Variants in THSD7A observed in about 807,000 individuals in gnomAD.
THSD7A encodes thrombospondin type-1 domain-containing protein 7A.
THSD7A carries 96 observed loss-of-function variants against 231.3 expected under a neutral mutation model. That is an observed-to-expected ratio of 0.41 (90% CI 0.35 to 0.49). The LOEUF (loss-of-function observed/expected upper bound fraction) is 0.49, where lower values mean the gene tolerates loss of function less well. THSD7A is among the 20% of genes least tolerant of loss of function. THSD7A has a pLI of 0.05. For missense variants in THSD7A, 2,290 were observed against 2,070.2 expected, an observed-to-expected ratio of 1.11 and a Z score of -2.06; for synonymous variants, 940 against 743.3, an observed-to-expected ratio of 1.26 and a Z score of -4.30.
chr7:11,772,956 T>C (rs2128172193), intron 1 of THSD7A, among the ~76,000 whole-genome samples: 1 of 152,212 alleles, frequency 6.6e-6, no homozygotes, highest in South Asian at 2.1e-4. Flanking sequence ...ACAAAATGTG[T>C]TTTTAAAAAA....
chr7:11,492,355 A>G (rs1158563911), intron 6 of THSD7A, among the ~76,000 whole-genome samples: 1 of 152,072 alleles, frequency 6.6e-6, no homozygotes, highest in Non-Finnish European at 1.5e-5. Context: ...AAATAAAAAG[A>G]AAGTATAGTT....
intron 1 of THSD7A, among the ~76,000 whole-genome samples, chr7:11,676,638 C>A (rs372189676): frequency 6.6e-6 from 1 of 151,956 alleles, no homozygotes; most frequent in South Asian, 2.1e-4. Flanking sequence ...GTATCAATAG[C>A]TGATTCAATC....
chr7:11,816,919 C>T (rs1040936299), intron 1 of THSD7A, among the ~76,000 whole-genome samples: 16 of 152,056 alleles, frequency 1.1e-4, no homozygotes, highest in Admixed American at 2.6e-4. Context: ...TCTAGATATG[C>T]AGACATGTAT....
At chr7:11,701,775 T>TA (rs1398826579) in intron 1 of THSD7A, among the ~76,000 whole-genome samples, 2 of 151,212 alleles carry the variant, frequency 1.3e-5, no homozygotes, top group Non-Finnish European at 3.0e-5. Context: ...TGTTTATATA[T>TA]TTTTAAATCT....
At chr7:11,513,449 T>C (rs934908169) in intron 6 of THSD7A, among the ~76,000 whole-genome samples, 1 of 152,008 alleles carries the variant, frequency 6.6e-6, no homozygotes, top group Non-Finnish European at 1.5e-5. Flanking sequence ...ACACAAAATA[T>C]GATTCAACCA....
intron 1 of THSD7A, among the ~76,000 whole-genome samples, chr7:11,822,285 C>A (rs1784899376): frequency 6.6e-6 from 1 of 152,068 alleles, no homozygotes; most frequent in South Asian, 2.1e-4. Flanking sequence ...ACTTATGAAT[C>A]AGAATATGTG....
intron 1 of THSD7A, among the ~76,000 whole-genome samples, chr7:11,744,645 A>G (rs1782223212): frequency 7.9e-6 from 1 of 126,890 alleles, no homozygotes. Flanking sequence ...TCCTGTGTCC[A>G]TGTGTTCTCA....
chr7:11,822,594 T>G (rs2128187487), intron 1 of THSD7A, among the ~76,000 whole-genome samples: 1 of 152,180 alleles, frequency 6.6e-6, no homozygotes, highest in African/African-American at 2.4e-5. Context: ...TGAATGGCAG[T>G]TCTATTTTTA....
chr7:11,830,374 T>C (rs1169822513), intron 1 of THSD7A, among the ~76,000 whole-genome samples: 1 of 152,258 alleles, frequency 6.6e-6, no homozygotes, highest in Non-Finnish European at 1.5e-5. Context: ...CATTTAATGG[T>C]AAATTATAAT....
rs57740181 is a variant in THSD7A, at chr7:11,778,156, C to CAAAAAAAAAAAAAAAAA, written c.190+53584_190+53600dup. The stretch of plus-strand genomic sequence containing the variant: ...TGGGCGACAGAGCGAGACTCCGTCT[C>CAAAAAAAAAAAAAAAAA]AAAAAAAAAAAAAAAAAAAAAAGAA... On this transcript the variant is annotated intron_variant, in intron 1 of 27. Transcript: ENST00000423059. Among the ~76,000 whole-genome samples, 201 of 44,996 alleles carry CAAAAAAAAAAAAAAAAA rather than the reference C, an allele frequency of 4.5e-3. 7 individuals carry two copies. Among genetic ancestry groups the CAAAAAAAAAAAAAAAAA allele is most frequent in the Non-Finnish European group, 5.6e-3 (129 of 22,884 alleles). 29.5% of individuals were successfully genotyped at this position (44,996 alleles called of 152,430 possible).
intron 4 of THSD7A, among the ~76,000 whole-genome samples, chr7:11,552,800 CATA>C (rs1789686420): frequency 6.6e-6 from 1 of 152,088 alleles, no homozygotes; most frequent in African/African-American, 2.4e-5. Flanking sequence ...AGTTCATTTG[CATA>C]ATAAGATTAG....
At chr7:11,512,466 C>A (rs757301429) in intron 6 of THSD7A, among the ~76,000 whole-genome samples, 2 of 152,058 alleles carry the variant, frequency 1.3e-5, no homozygotes, top group Non-Finnish European at 2.9e-5. Flanking sequence ...AATCATGCTG[C>A]TATAAAGACA....
At chr7:11,515,773 C>G (rs1788007513) in intron 6 of THSD7A, among the ~76,000 whole-genome samples, 1 of 152,086 alleles carries the variant, frequency 6.6e-6, no homozygotes, top group South Asian at 2.1e-4. Flanking sequence ...TTTAGTACAT[C>G]TATGGCAATG....
chr7:11,650,539 T>G (rs2128368229), intron 1 of THSD7A, among the ~76,000 whole-genome samples: 1 of 152,170 alleles, frequency 6.6e-6, no homozygotes, highest in East Asian at 1.9e-4. Context: ...ACAGGATCAT[T>G]AACATTAATT....
intron 6 of THSD7A, among the ~76,000 whole-genome samples, chr7:11,484,373 T>C (rs1448255588): frequency 6.6e-6 from 1 of 152,134 alleles, no homozygotes; most frequent in Non-Finnish European, 1.5e-5. Flanking sequence ...CTTCACTTTG[T>C]ATGAAAATTT....
chr7:11,645,101 C>T (rs1562437851), intron 1 of THSD7A, among the ~76,000 whole-genome samples: 1 of 151,894 alleles, frequency 6.6e-6, no homozygotes, highest in Non-Finnish European at 1.5e-5. Flanking sequence ...ACACCTTGAT[C>T]AGCATTGGTT....
chr7:11,426,061 A>T (rs1028774746), intron 15 of THSD7A, among the ~76,000 whole-genome samples: 8 of 120,972 alleles, frequency 6.6e-5, no homozygotes, highest in East Asian at 2.2e-4. Context: ...AGTATAATAA[A>T]AAAAAAAAAC....
chr7:11,596,964 G>C (rs1780384541), intron 2 of THSD7A, among the ~76,000 whole-genome samples: 1 of 152,188 alleles, frequency 6.6e-6, no homozygotes, highest in Non-Finnish European at 1.5e-5. Flanking sequence ...CCTACCTCAG[G>C]GGTATATCAA....
intron 4 of THSD7A, among the ~76,000 whole-genome samples, chr7:11,582,111 C>T (rs984626380): frequency 1.3e-5 from 2 of 151,686 alleles, no homozygotes; most frequent in African/African-American, 4.8e-5. Flanking sequence ...TTAGATAGTC[C>T]GTGTAAAAAA....
Sources: gnomAD v4.1 joint callset for allele counts (sites outside exome capture counted in the v4.1 genomes callset) on GRCh38, gnomAD v4.1.1 for gene constraint, MANE v1.5 for transcripts, NCBI Gene and HGNC (gene_info 2026-07-23, HGNC 2026-07-21) for gene names.